FNDC1: variants seen among roughly 807,000 people sequenced by gnomAD.
The protein encoded by FNDC1 is fibronectin type III domain containing 1, also known as fibronectin type III domain-containing protein 1.
Under a neutral mutation model 168.0 loss-of-function variants are expected in FNDC1, and 96 were observed. The ratio of observed to expected loss-of-function variants is 0.57; its 90% CI spans 0.48 to 0.68. FNDC1 has a LOEUF of 0.68. Among genes scored for constraint, FNDC1 ranks in the 30% least tolerant of loss-of-function variants. FNDC1 has a pLI of 0.00. For synonymous variants in FNDC1, 1,099 were observed against 1,025.9 expected (o/e 1.07, Z -1.36); for missense variants, 2,587 against 2,482.1 (o/e 1.04, Z -0.90).
intron 4 of FNDC1, among the ~76,000 whole-genome samples, chr6:159,204,212 A>G (rs995579088): frequency 6.6e-6 from 1 of 152,100 alleles, no homozygotes; most frequent in African/African-American, 2.4e-5. Flanking sequence ...ACATTTCCTT[A>G]TCTTGGTCAC....
rs1777752661 is a variant in FNDC1 at position 159,271,716 on chromosome 6, C to G, written c.*274C>G. 1 of 292,190 alleles carries G rather than the reference C, an allele frequency of 3.4e-6. No individual in the cohort carries two copies. Among genetic ancestry groups the G allele is most frequent in the Non-Finnish European group, 6.5e-6 (1 of 153,032 alleles). The allele number at this position is 292,190 out of a possible 1,614,324, so 18.1% of individuals were successfully genotyped here. A position where few individuals can be genotyped will look rare whatever the true frequency, so the allele number is the denominator to read the frequency against. ...AGCACATCCCAGAGACATCAGAAAC[C>G]AGCAACTGATTCAGTGTGATTTCCA... is the stretch of plus-strand genomic sequence containing the variant. On this transcript the variant is annotated 3_prime_UTR_variant, in exon 23 of 23. Transcript: ENST00000297267.
At chr6:159,201,368 G>A (rs1018859661) in intron 4 of FNDC1, among the ~76,000 whole-genome samples, 1 of 152,192 alleles carries the variant, frequency 6.6e-6, no homozygotes, top group South Asian at 2.1e-4. Flanking sequence ...GATAGTGTAG[G>A]TGGTCTTCAC....
Position 159,232,069 on chromosome 6 carries a change from G to A in FNDC1, c.1557G>A (p.Ala519=). 6.2e-7 allele frequency: 1 copy of A among 1,613,772 alleles called. No individual in the cohort carries two copies. The highest frequency in any genetic ancestry group is 8.5e-7 in the Non-Finnish European group (1 of 1,179,804). Residue 519 remains alanine, a synonymous_variant, in exon 11 of 23, where the codon GCG becomes GCA. Coordinates refer to ENST00000297267, the MANE Select transcript of FNDC1 (RefSeq NM_032532.3). The surrounding 1 kb of genome is among the most constrained non-coding windows in gnomAD (Gnocchi z 4.9). ...LKNKILANGG[A]PRKPQLRAKK... is the part of the protein sequence containing the mutation. The stretch of plus-strand genomic sequence containing the variant: ...ACAAAATATTGGCTAATGGTGGGGC[G>A]CCCCGAAAACCCCAGCTTCGCGCCA...
chr6:159,232,413 C>T lies in FNDC1; in HGVS notation c.1901C>T (p.Ser634Phe). ...ACCCAGGGCACCTCTCATCGTCCTT[C>T]CCTGCCTGCCAGCTTGAATGACAAC... The part of the protein sequence containing the change: ...ASTQGTSHRP[S>F]LPASLNDNDL... Residue 634 changes from serine (S) to phenylalanine (F), a missense_variant, in exon 11 of 23, where the codon TCC (serine) becomes TTC (phenylalanine). Coordinates refer to ENST00000297267, the MANE Select transcript of FNDC1 (RefSeq NM_032532.3). This position sits in a 1 kb window ranked among gnomAD's most constrained non-coding sequence, Gnocchi z 4.9. 6.2e-7 allele frequency: 1 copy of T among 1,612,070 alleles called. No homozygotes were observed. The highest frequency in any genetic ancestry group is 8.5e-7 in the Non-Finnish European group (1 of 1,178,568).
Position 159,238,653 on chromosome 6 carries a change from C to A in FNDC1, c.4168C>A (p.Arg1390=). 3 of 1,601,054 alleles carry A rather than the reference C, an allele frequency of 1.9e-6. No individual in the cohort carries two copies. Among genetic ancestry groups the A allele is most frequent in the African/African-American group, 2.7e-5 (2 of 74,842 alleles). ...TCGGATTAAACTAGGAGGAGATGGT[C>A]GAACCATTGTAGGTAAGGGAGAATG... ...PLRIKLGGDG[R]TIVDLEGTPV... Residue 1390 remains arginine (R), a synonymous_variant, in exon 13 of 23, where the codon CGA becomes AGA. Transcript: ENST00000297267.
At chr6:159,216,086 C>A (rs145416241) in intron 5 of FNDC1, among the ~76,000 whole-genome samples, 1 of 152,076 alleles carries the variant, frequency 6.6e-6, no homozygotes, top group Non-Finnish European at 1.5e-5. Context: ...CTCAGCCTCC[C>A]GAGTAGCTGG....
At position 159,213,791 on chromosome 6, in the gene FNDC1, T is replaced by C. The variant is rs73021888; in HGVS notation, c.461-1154T>C. On this transcript the variant is annotated intron_variant, in intron 4 of 22. Transcript: ENST00000297267. ...ACCATGGTGTTCTCTTAGTAGCCTATAGGAATGGGGTGCCCAGTGACTGGT... is the reference window on the plus strand; with the variant it reads ...ACCATGGTGTTCTCTTAGTAGCCTACAGGAATGGGGTGCCCAGTGACTGGT... Among the ~76,000 whole-genome samples the C allele has an allele frequency of 8.5e-3, 1,287 of 152,268 alleles. 17 individuals are homozygous for C. Among genetic ancestry groups the C allele is most frequent in the Non-Finnish European group, 0.013 (884 of 68,026 alleles).
At chr6:159,260,035 T>C (rs1777452627) in intron 18 of FNDC1, among the ~76,000 whole-genome samples, 1 of 152,236 alleles carries the variant, frequency 6.6e-6, no homozygotes, top group African/African-American at 2.4e-5. Flanking sequence ...AAAAATGTAG[T>C]GCATTTTAAT....
Position 159,206,332 on chromosome 6 carries a change from C to T in FNDC1, c.460+5751C>T, listed in dbSNP as rs537474454. On this transcript the variant is annotated intron_variant, in intron 4 of 22. Transcript: ENST00000297267. ...GTCTGTGACATTACTTTCACAGTAG[C>T]TTTCTCATGCAGTTATTAGTTTTAT... 2.6e-5 allele frequency among the ~76,000 whole-genome samples: 4 copies of T among 152,354 alleles called. No individual in the cohort carries two copies. The East Asian group carries it at 7.7e-4, about 29-fold the overall frequency.
intron 21 of FNDC1, 141 bp downstream of exon 21, chr6:159,266,386 A>G: frequency 1.2e-6 from 1 of 860,366 alleles, no homozygotes. Flanking sequence ...AATACAAACC[A>G]ATTTTACAGA....
intron 22 of FNDC1, among the ~76,000 whole-genome samples, chr6:159,269,912 A>C (rs185336069): frequency 6.6e-6 from 1 of 152,296 alleles, no homozygotes; most frequent in East Asian, 1.9e-4. Context: ...AATCTTGGCC[A>C]GGCACTGTGG....
chr6:159,200,844 C>A lies in FNDC1; in HGVS notation c.460+263C>A, dbSNP rs141987528. On this transcript the variant is annotated intron_variant, in intron 4 of 22. Coordinates refer to ENST00000297267, the MANE Select transcript of FNDC1 (RefSeq NM_032532.3). ...CTACATCTGGGGATATTGTTGCCCT[C>A]TTCATAGGCAAATATGGTGGTTGAG... Among the ~76,000 whole-genome samples, 1,246 of 152,328 alleles carry A rather than the reference C, an allele frequency of 8.2e-3. 7 individuals carry two copies. The highest frequency in any genetic ancestry group is 0.012 in the Non-Finnish European group (849 of 68,040).
Position 159,239,942 on chromosome 6 carries a change from T to A in FNDC1, c.4606T>A (p.Cys1536Ser). 1 of 1,485,800 alleles carries A rather than the reference T, an allele frequency of 6.7e-7. No homozygotes were observed. The highest frequency in any genetic ancestry group is 9.0e-7 in the Non-Finnish European group (1 of 1,112,402). 92.0% of individuals were successfully genotyped at this position (1,485,800 alleles called of 1,614,324 possible). A position where few individuals can be genotyped will look rare whatever the true frequency, so the allele number is the denominator to read the frequency against. Residue 1536 changes from cysteine (C) to serine (S), a missense_variant, in exon 14 of 23, where the codon TGC (cysteine) becomes AGC (serine). Cys to Ser is a moderately radical substitution (Grantham distance 112, BLOSUM62 -1). Coordinates refer to ENST00000297267, the MANE Select transcript of FNDC1 (RefSeq NM_032532.3). The part of the protein sequence containing the change: ...LIMSSNGIPE[C>S]YAEEDEFSGL... ...AATGAGCTCCAATGGGATCCCAGAGTGCTACGCTGAAGAAGGTAACTGCCT... is the reference window on the plus strand; with the variant it reads ...AATGAGCTCCAATGGGATCCCAGAGAGCTACGCTGAAGAAGGTAACTGCCT...
In FNDC1 at chr6:159,225,555, G is replaced by A. The variant is rs1289270182; in HGVS notation, c.905G>A (p.Arg302Gln). ...VASRQYTVRY[R>Q]EKGELARWDY... is the part of the protein sequence containing the mutation. The stretch of plus-strand genomic sequence containing the variant: ...TACAGACAGTACACCGTGCGCTATC[G>A]AGAGAAGGGGGAATTGGCCAGGTGG... The change falls in exon 8 of 23, where the codon CGA (arginine) becomes CAA (glutamine). Residue 302 changes from arginine to glutamine, a missense_variant. Transcript: ENST00000297267. 11 of 1,613,352 alleles carry A rather than the reference G, an allele frequency of 6.8e-6. No individual in the cohort carries two copies. The East Asian group carries it at 1.6e-4, about 23-fold the overall frequency.
chr6:159,184,858 G>GA (rs958819938), intron 1 of FNDC1, among the ~76,000 whole-genome samples: 1 of 152,058 alleles, frequency 6.6e-6, no homozygotes, highest in African/African-American at 2.4e-5. Context: ...AAGAATGTGC[G>GA]AAAAAATTCC....
chr6:159,264,849 A>G (rs562506153), intron 19 of FNDC1, 126 bp from the exon 20 acceptor site: 3 of 691,258 alleles, frequency 4.3e-6, no homozygotes, highest in African/African-American at 3.6e-5. Flanking sequence ...AAACGTTGGC[A>G]TCTATCAAAC....
At position 159,229,917 on chromosome 6, in the gene FNDC1, G is replaced by C; in HGVS notation, c.1283G>C (p.Gly428Ala). 2 of 1,613,908 alleles carry C rather than the reference G, an allele frequency of 1.2e-6. No homozygotes were observed. Among genetic ancestry groups the C allele is most frequent in the Non-Finnish European group, 1.7e-6 (2 of 1,179,848 alleles). The change falls in exon 10 of 23, where the codon GGG (glycine) becomes GCG (alanine). Residue 428 changes from glycine (G) to alanine (A), a missense_variant. Transcript: ENST00000297267. Reference protein sequence around the residue: ...TSALVDGLQPGERYLFKIRAT... With the variant: ...TSALVDGLQPAERYLFKIRAT... The stretch of plus-strand genomic sequence containing the variant: ...GCCCTGGTGGATGGTCTGCAGCCTG[G>C]GGAACGCTATCTTTTCAAAATCCGG...
Position 159,174,156 on chromosome 6 carries a change from C to G in FNDC1, c.109+4451C>G, listed in dbSNP as rs1380685110. Among the ~76,000 whole-genome samples the G allele has an allele frequency of 3.9e-5, 6 of 152,222 alleles. No individual in the cohort carries two copies. In the South Asian group the frequency reaches 1.2e-3, roughly 31 times the overall value. On this transcript the variant is annotated intron_variant, in intron 1 of 22. Coordinates refer to ENST00000297267, the MANE Select transcript of FNDC1 (RefSeq NM_032532.3). ...TGTATGTGTATGTATTTACTTGTAA[C>G]TGCACAGAACGTTTCTGTTAGAATA... is the stretch of plus-strand genomic sequence containing the variant.
At chr6:159,188,428 C>T (rs937861287) in intron 1 of FNDC1, among the ~76,000 whole-genome samples, 3 of 146,346 alleles carry the variant, frequency 2.0e-5, no homozygotes, top group Non-Finnish European at 4.5e-5. Flanking sequence ...AGGCTGGAGT[C>T]CAGTGGCGCA....
Sources: gnomAD v4.1 joint callset for allele counts (sites outside exome capture counted in the v4.1 genomes callset) on GRCh38, gnomAD v4.1.1 for gene constraint, Gnocchi (gnomAD v3.1) non-coding constraint, MANE v1.5 for transcripts, NCBI Gene and HGNC (gene_info 2026-07-23, HGNC 2026-07-21) for gene names.